PLXNA2: variants seen among roughly 807,000 people sequenced by gnomAD.
The protein encoded by PLXNA2 is plexin-A2.
A neutral mutation model predicts 193.5 loss-of-function variants in PLXNA2; 91 were observed. The ratio of observed to expected loss-of-function variants is 0.47; its 90% CI spans 0.40 to 0.56. PLXNA2 has a LOEUF of 0.56. Among genes scored for constraint, PLXNA2 ranks in the 20% least tolerant of loss-of-function variants. PLXNA2 has a pLI of 0.00. For synonymous variants in PLXNA2, 997 were observed against 1,027.3 expected (o/e 0.97, Z 0.56); for missense variants, 1,995 against 2,503.2 (o/e 0.80, Z 4.33).
At chr1:208,089,351 T>C (rs1032387735) in intron 9 of PLXNA2, among the ~76,000 whole-genome samples, 4 of 152,210 alleles carry the variant, frequency 2.6e-5, no homozygotes, top group African/African-American at 9.6e-5. Flanking sequence ...ACAAAGCTCA[T>C]GGGCCCTGAT....
At chr1:208,230,019 C>T (rs184500126) in intron 1 of PLXNA2, among the ~76,000 whole-genome samples, 7 of 152,298 alleles carry the variant, frequency 4.6e-5, no homozygotes, top group African/African-American at 1.2e-4. Context: ...TTTGGAGCCT[C>T]GCTTTCCTCA....
chr1:208,184,825 G>A (rs1037010621), intron 3 of PLXNA2, among the ~76,000 whole-genome samples: 1 of 152,140 alleles, frequency 6.6e-6, no homozygotes, highest in Non-Finnish European at 1.5e-5. Flanking sequence ...TTCTCAGTAA[G>A]CCTCAGCTGT....
chr1:208,184,466 A>T (rs1362257704), intron 3 of PLXNA2, among the ~76,000 whole-genome samples: 1 of 150,632 alleles, frequency 6.6e-6, no homozygotes, highest in Non-Finnish European at 1.5e-5. Context: ...CCAGCCCTAG[A>T]TAATGTGGGT....
chr1:208,100,807 C>T (rs964433203), intron 5 of PLXNA2, among the ~76,000 whole-genome samples: 1 of 152,202 alleles, frequency 6.6e-6, no homozygotes, highest in Non-Finnish European at 1.5e-5. Context: ...CTCTAGGCTC[C>T]CCTGCCCACA....
rs756150502 is a variant in PLXNA2, at chr1:208,142,433, C to T, written c.1402G>A (p.Val468Ile). The stretch of plus-strand genomic sequence containing the variant: ...AGCACAGAGACCATCTCGTACTGGA[C>T]CCCACCATGGGGGGGACCGTCGGCC... Reference protein sequence around the residue: ...IRADGPPHGGVQYEMVSVLKD... With the variant: ...IRADGPPHGGIQYEMVSVLKD... Residue 468 changes from valine (V) to isoleucine (I), a missense_variant, in exon 4 of 32, where the codon GTC becomes ATC. This residue lies in a region of PLXNA2 where 702 missense variants were observed against 812.9 expected (regional missense o/e 0.86). Coordinates refer to ENST00000367033, the MANE Select transcript of PLXNA2 (RefSeq NM_025179.4). 3.1e-6 allele frequency: 5 copies of T among 1,612,432 alleles called. No homozygotes were observed. In the African/African-American group the frequency reaches 6.7e-5, roughly 22 times the overall value.
In PLXNA2 at chr1:208,079,391, G is replaced by A. The variant is rs533963210; in HGVS notation, c.2455C>T (p.Arg819Trp). ...CTGCACCAGCCACACTCAAACTTCC[G>A]GTCGGCCTTGAGGCAGAGGCCGCAG... ...ESCGLCLKADRKFECGWCSGE... is the reference protein window; with the variant it reads ...ESCGLCLKADWKFECGWCSGE... Residue 819 changes from arginine (R) to tryptophan (W), a missense_variant, in exon 12 of 32, where the codon CGG (arginine) becomes TGG (tryptophan). Arg to Trp is a moderately radical substitution (Grantham distance 101, BLOSUM62 -3). Around this residue, in one of 3 missense-constraint regions of PLXNA2, gnomAD observed 1,291 missense variants for 1,673.6 expected, o/e 0.77. Transcript: ENST00000367033. The A allele has an allele frequency of 2.5e-5, 41 of 1,613,490 alleles. No individual in the cohort carries two copies. In the East Asian group the frequency reaches 3.1e-4, roughly 12 times the overall value.
rs1292595336 is a variant in PLXNA2 at position 208,079,498 on chromosome 1, A to G, written c.2396-48T>C. 2.9e-6 allele frequency: 4 copies of G among 1,382,060 alleles called. No individual in the cohort carries two copies. The East Asian group carries it at 1.0e-4, about 35-fold the overall frequency. The allele number at this position is 1,382,060 out of a possible 1,614,324, so 85.6% of individuals were successfully genotyped here. The stretch of plus-strand genomic sequence containing the variant: ...CAGATGAAACCAGAAAGGGCTGCTC[A>G]CAATGCACCCTCCTCTTGCAGGTGT... On this transcript the variant is annotated intron_variant, in intron 11 of 31. Coordinates refer to ENST00000367033, the MANE Select transcript of PLXNA2 (RefSeq NM_025179.4).
intron 12 of PLXNA2, among the ~76,000 whole-genome samples, chr1:208,077,359 G>A (rs912307211): frequency 6.6e-6 from 1 of 152,204 alleles, no homozygotes; most frequent in Non-Finnish European, 1.5e-5. Flanking sequence ...GGTGTCCTCT[G>A]TGAACAGAGC....
At chr1:208,193,080 T>C (rs1325377753) in intron 3 of PLXNA2, among the ~76,000 whole-genome samples, 1 of 152,222 alleles carries the variant, frequency 6.6e-6, no homozygotes, top group African/African-American at 2.4e-5. Context: ...ATGAAAACTC[T>C]GTGCATCCAA....
intron 27 of PLXNA2, among the ~76,000 whole-genome samples, 194 bp from the exon 28 acceptor site, chr1:208,033,703 A>G (rs1469764652): frequency 6.6e-6 from 1 of 152,184 alleles, no homozygotes; most frequent in African/African-American, 2.4e-5. Flanking sequence ...GAAGAGCTTG[A>G]AGGCTTTTTT....
At chr1:208,030,952 G>A (rs1664483764) in intron 29 of PLXNA2, 1 of 986,516 alleles carries the variant, frequency 1.0e-6, no homozygotes, top group Admixed American at 6.1e-5. Context: ...TGGTTGCAGA[G>A]ATGACTTTAG....
intron 4 of PLXNA2, among the ~76,000 whole-genome samples, chr1:208,133,074 T>A (rs1668206937): frequency 6.6e-6 from 1 of 152,148 alleles, no homozygotes; most frequent in Admixed American, 6.5e-5. Context: ...TCTCATCTCC[T>A]CTTCTGTAAA....
intron 1 of PLXNA2, among the ~76,000 whole-genome samples, chr1:208,238,226 C>T (rs1023435406): frequency 2.0e-5 from 3 of 152,284 alleles, no homozygotes; most frequent in African/African-American, 4.8e-5. Context: ...GCTCTTCACT[C>T]GGAGCCCTGG....
At position 208,037,733 on chromosome 1, in the gene PLXNA2, CTT is replaced by C. The variant is rs5780427; in HGVS notation, c.4764+636_4764+637del. Among the ~76,000 whole-genome samples the C allele has an allele frequency of 3.6e-3, 525 of 147,398 alleles. 6 individuals are homozygous for C. The highest frequency in any genetic ancestry group is 9.8e-3 in the African/African-American group (392 of 40,026). ...CTTGTGTTCTTTTGCTGGGATTTTT[CTT>C]TTTTTTTTTTGACTGCTCATTCAAT... is the stretch of plus-strand genomic sequence containing the variant. On this transcript the variant is annotated intron_variant, in intron 26 of 31. Transcript: ENST00000367033.
At chr1:208,086,767 G>C (rs1666533556) in intron 9 of PLXNA2, among the ~76,000 whole-genome samples, 1 of 128,714 alleles carries the variant, frequency 7.8e-6, no homozygotes, top group African/African-American at 3.0e-5. Flanking sequence ...ACTCTTGACA[G>C]ACTCTTTCAT....
intron 1 of PLXNA2, among the ~76,000 whole-genome samples, chr1:208,223,676 G>A (rs1671420403): frequency 6.6e-6 from 1 of 152,152 alleles, no homozygotes; most frequent in South Asian, 2.1e-4. Flanking sequence ...TGTAACTTGG[G>A]GGCTATGGTG....
At chr1:208,087,329 C>G (rs946970402) in intron 9 of PLXNA2, among the ~76,000 whole-genome samples, 1 of 151,432 alleles carries the variant, frequency 6.6e-6, no homozygotes, top group Non-Finnish European at 1.5e-5. Context: ...ATCTTTTAGG[C>G]TGGGCTAAGT....
chr1:208,097,240 C>T (rs1666929912), intron 6 of PLXNA2, among the ~76,000 whole-genome samples: 1 of 152,174 alleles, frequency 6.6e-6, no homozygotes, highest in Non-Finnish European at 1.5e-5. Context: ...AACTTGAAAG[C>T]AAGTCCTGAG....
At chr1:208,032,967 T>C (rs1040350806) in intron 28 of PLXNA2, among the ~76,000 whole-genome samples, 2 of 151,588 alleles carry the variant, frequency 1.3e-5, no homozygotes, top group African/African-American at 4.9e-5. Flanking sequence ...TGCCAAAGGG[T>C]AGAGAACAGC....
Sources: allele counts gnomAD v4.1 joint callset (sites outside exome capture counted in the v4.1 genomes callset), GRCh38; gene constraint gnomAD v4.1.1; regional missense constraint gnomAD v4.1.1; transcripts MANE v1.5; gene names NCBI Gene and HGNC (gene_info 2026-07-23, HGNC 2026-07-21).